The following VRK3 variants were observed in gnomAD, a reference collection of about 807,000 sequenced individuals.
The protein encoded by VRK3 is serine/threonine-protein kinase VRK3.
A neutral mutation model predicts 60.4 loss-of-function variants in VRK3; 50 were observed. The ratio of observed to expected loss-of-function variants is 0.83; its 90% CI spans 0.66 to 1.05. VRK3 has a LOEUF of 1.05. Among genes scored for constraint, VRK3 ranks in the 50% least tolerant of loss-of-function variants. The pLI is 0.00. For synonymous variants in VRK3, 246 were observed against 227.8 expected (o/e 1.08, Z -0.72); for missense variants, 549 against 585.3 (o/e 0.94, Z 0.64).
chr19:49,982,859 C>A (rs183790706), intron 12 of VRK3, among the ~76,000 whole-genome samples: 3 of 152,188 alleles, frequency 2.0e-5, no homozygotes, highest in Admixed American at 6.5e-5. Context: ...ATCCTCCAGG[C>A]CCAGCCCCTC....
chr19:50,016,199 G>C, intron 2 of VRK3, 36 bp from the exon 3 acceptor site: 1 of 1,611,090 alleles, frequency 6.2e-7, no homozygotes. Flanking sequence ...AAGTGAAACG[G>C]GCCAGCTGAA....
intron 4 of VRK3, 96 bp downstream of exon 4, chr19:50,009,140 T>G: frequency 1.4e-6 from 2 of 1,426,232 alleles, no homozygotes; most frequent in Non-Finnish European, 1.9e-6. Flanking sequence ...ATGGATGATG[T>G]TTGAGCCGGG....
At position 49,982,258 on chromosome 19, in the gene VRK3, T is replaced by C. The variant is rs921661266; in HGVS notation, c.1218-1245A>G. 7 of 701,572 alleles carry C rather than the reference T, an allele frequency of 1.0e-5. No individual in the cohort carries two copies. In the African/African-American group the frequency reaches 1.2e-4, roughly 12 times the overall value. The allele number at this position is 701,572 out of a possible 1,614,324, so 43.5% of individuals were successfully genotyped here. ...GTAGCTCATGCCTGAACAAAGCTGA[T>C]AAAACACACGAATTATTAACCATCT... On this transcript the variant is annotated intron_variant, in intron 12 of 14. Transcript: ENST00000316763.
At chr19:50,020,043 ATT>A (rs59318175) in intron 2 of VRK3, among the ~76,000 whole-genome samples, 1 of 142,452 alleles carries the variant, frequency 7.0e-6, no homozygotes. Flanking sequence ...CACCCAGCTA[ATT>A]TTTTTTTTTT....
At chr19:50,008,400 G>C (rs1196120995) in intron 4 of VRK3, among the ~76,000 whole-genome samples, 2 of 152,144 alleles carry the variant, frequency 1.3e-5, no homozygotes, top group African/African-American at 4.8e-5. Flanking sequence ...CGCTTACTCT[G>C]TTCCTCCCAC....
chr19:50,003,700 T>C (rs910234829), intron 5 of VRK3, among the ~76,000 whole-genome samples: 11 of 152,230 alleles, frequency 7.2e-5, no homozygotes, highest in African/African-American at 2.7e-4. Flanking sequence ...TTGCTTTAAA[T>C]TACGGGACAT....
intron 10 of VRK3, among the ~76,000 whole-genome samples, chr19:49,992,030 A>T (rs1159992413): frequency 6.6e-6 from 1 of 152,254 alleles, no homozygotes; most frequent in African/African-American, 2.4e-5. Context: ...GTTGCCAGGA[A>T]CATCTTGTAC....
At chr19:49,994,376 T>C (rs1348598028) in intron 9 of VRK3, among the ~76,000 whole-genome samples, 1 of 152,300 alleles carries the variant, frequency 6.6e-6, no homozygotes, top group East Asian at 1.9e-4. Context: ...CTGATGAATA[T>C]TTAATGGGGA....
At chr19:49,987,280 C>T (rs950407838) in intron 12 of VRK3, among the ~76,000 whole-genome samples, 1 of 152,122 alleles carries the variant, frequency 6.6e-6, no homozygotes, top group Non-Finnish European at 1.5e-5. Flanking sequence ...CCCTTTTGTG[C>T]TCCGCTGTCC....
chr19:49,988,497 G>T lies in VRK3; in HGVS notation c.1097-5C>A. 1 of 1,612,090 alleles carries T rather than the reference G, an allele frequency of 6.2e-7. No individual in the cohort carries two copies. The highest frequency in any genetic ancestry group is 8.5e-7 in the Non-Finnish European group (1 of 1,179,054). ...GGTCGCTGCGGCGGGAGGGCCCTGG[G>T]GAAGGAGGAGTAAAGGTGGCAGCTC... On this transcript the variant is annotated splice_region_variant and splice_polypyrimidine_tract_variant and intron_variant, in intron 11 of 14. Coordinates refer to ENST00000316763, the MANE Select transcript of VRK3 (RefSeq NM_016440.4).
chr19:49,981,840 G>T (rs577957666), intron 12 of VRK3: 3 of 1,200,034 alleles, frequency 2.5e-6, no homozygotes, highest in Admixed American at 7.9e-5. Context: ...GCTCGTGGCT[G>T]TGAGGGGCCA....
intron 1 of VRK3, among the ~76,000 whole-genome samples, chr19:50,023,546 C>T (rs1026151513): frequency 7.2e-5 from 11 of 152,188 alleles, no homozygotes; most frequent in Non-Finnish European, 1.3e-4. Flanking sequence ...CTTCACAGTG[C>T]TTGTCACTAC....
intron 14 of VRK3, among the ~76,000 whole-genome samples, chr19:49,978,190 T>G (rs1313006409): frequency 5.3e-5 from 8 of 152,144 alleles, no homozygotes; most frequent in Non-Finnish European, 8.8e-5. Flanking sequence ...CGGCCTCCAC[T>G]GTCCCGCATC....
chr19:49,989,235 C>T (rs1169512962), intron 11 of VRK3, among the ~76,000 whole-genome samples: 6 of 152,150 alleles, frequency 3.9e-5, no homozygotes, highest in Admixed American at 3.3e-4. Flanking sequence ...CCTGGATGAT[C>T]CCATCCTCTC....
In VRK3 at chr19:50,016,071, T is replaced by C; in HGVS notation, c.92A>G (p.His31Arg). The change falls in exon 3 of 15, where the codon CAT becomes CGT. Residue 31 changes from histidine to arginine, a missense_variant. His to Arg is a conservative substitution (Grantham distance 29). Transcript: ENST00000316763. Reference sequence around the variant, plus strand: ...ATTGACAAAGGTCTGGGACCCTACATGCTCCTCTACAGGCAAAGAATTTCC... The same window carrying C: ...ATTGACAAAGGTCTGGGACCCTACACGCTCCTCTACAGGCAAAGAATTTCC... ...YCGNSLPVEE[H>R]VGSQTFVNPH... 2 of 1,614,248 alleles carry C rather than the reference T, an allele frequency of 1.2e-6. No homozygotes were observed. The highest frequency in any genetic ancestry group is 1.7e-6 in the Non-Finnish European group (2 of 1,180,050).
In VRK3 at chr19:50,016,152, A is replaced by T; in HGVS notation, c.11T>A (p.Phe4Tyr). Residue 4 changes from phenylalanine to tyrosine, a missense_variant, in exon 3 of 15, where the codon TTC becomes TAC. Coordinates refer to ENST00000316763, the MANE Select transcript of VRK3 (RefSeq NM_016440.4). ...GATACTTTTGCCACAGTCTGGACAG[A>T]AGGAGATCATGCTACAAAACAGAAT... Reference protein sequence around the residue: MISFCPDCGKSIQA... With the variant: MISYCPDCGKSIQA... 2 of 1,614,144 alleles carry T rather than the reference A, an allele frequency of 1.2e-6. No homozygotes were observed. The highest frequency in any genetic ancestry group is 1.7e-6 in the Non-Finnish European group (2 of 1,180,036).
At chr19:49,980,443 T>A (rs1001861625) in intron 13 of VRK3, among the ~76,000 whole-genome samples, 2 of 151,936 alleles carry the variant, frequency 1.3e-5, no homozygotes, top group Non-Finnish European at 2.9e-5. Flanking sequence ...TGGCCGGGCA[T>A]GGTGGCTCTT....
chr19:49,982,295 A>G, intron 12 of VRK3: 1 of 692,014 alleles, frequency 1.4e-6, no homozygotes, highest in Non-Finnish European at 2.6e-6. Context: ...AGGCTTTGGG[A>G]CATCAGACAG....
At position 50,009,333 on chromosome 19, in the gene VRK3, T is replaced by C. The variant is rs1481801049; in HGVS notation, c.192A>G (p.Lys64=). ...SSFETSPKKV[K]WSSTVTSPRL... ...GGGGAGAGGTGACGGTGCTGGACCATTTCACTTTCTTAGGAGAGGTTTCAA... is the reference window on the plus strand; with the variant it reads ...GGGGAGAGGTGACGGTGCTGGACCACTTCACTTTCTTAGGAGAGGTTTCAA... The change falls in exon 4 of 15, where the codon AAA becomes AAG. Residue 64 remains lysine (K), a synonymous_variant. Coordinates refer to ENST00000316763, the MANE Select transcript of VRK3 (RefSeq NM_016440.4). 1 of 1,614,062 alleles carries C rather than the reference T, an allele frequency of 6.2e-7. No individual in the cohort carries two copies. The highest frequency in any genetic ancestry group is 8.5e-7 in the Non-Finnish European group (1 of 1,179,982).
Sources: gnomAD v4.1 joint callset for allele counts (sites outside exome capture counted in the v4.1 genomes callset) on GRCh38, gnomAD v4.1.1 for gene constraint, MANE v1.5 for transcripts, NCBI Gene and HGNC (gene_info 2026-07-23, HGNC 2026-07-21) for gene names.